The following SLFN13 variants were observed in gnomAD, a reference collection of about 807,000 sequenced individuals.
The protein encoded by SLFN13 is schlafen-13.
A neutral mutation model predicts 50.6 loss-of-function variants in SLFN13; 43 were observed. The ratio of observed to expected loss-of-function variants is 0.85; its 90% CI spans 0.67 to 1.09. The LOEUF (loss-of-function observed/expected upper bound fraction) is 1.09, where lower values mean the gene tolerates loss of function less well. Among genes scored for constraint, SLFN13 ranks in the 50% least tolerant of loss-of-function variants. The pLI is 0.00. For synonymous variants in SLFN13, 339 were observed against 386.5 expected, an observed-to-expected ratio of 0.88 and a Z score of 1.44; for missense variants, 881 against 1,071.1, an observed-to-expected ratio of 0.82 and a Z score of 2.48.
At position 35,437,908 on chromosome 17, in the gene SLFN13, A is replaced by T. The variant is rs1008617502; in HGVS notation, c.*2687T>A. 1.3e-5 allele frequency: 2 copies of T among 152,150 alleles called. No individual in the cohort carries two copies. Among genetic ancestry groups the T allele is most frequent in the African/African-American group, 2.4e-5 (1 of 41,454 alleles). The allele number at this position is 152,150 out of a possible 1,614,324, so 9.4% of individuals were successfully genotyped here. A position where few individuals can be genotyped will look rare whatever the true frequency, so the allele number is the denominator to read the frequency against. On this transcript the variant is annotated 3_prime_UTR_variant, in exon 6 of 6. Coordinates refer to ENST00000285013, the MANE Select transcript of SLFN13 (RefSeq NM_144682.6). ...AGATCTTTAATGAAGCAGGTCCTATATGACTAGAGCCAAATTACAGAGATA... is the reference window on the plus strand; with the variant it reads ...AGATCTTTAATGAAGCAGGTCCTATTTGACTAGAGCCAAATTACAGAGATA...
At position 35,439,005 on chromosome 17, in the gene SLFN13, T is replaced by C. The variant is rs1912717363; in HGVS notation, c.*1590A>G. The C allele has an allele frequency of 6.8e-6, 1 of 148,038 alleles. No individual in the cohort carries two copies. The highest frequency in any genetic ancestry group is 2.1e-4 in the South Asian group (1 of 4,674). The allele number at this position is 148,038 out of a possible 1,614,324, so 9.2% of individuals were successfully genotyped here. ...GGATGGCTGAACCAACAGAAATTTA[T>C]TTCTCACAGTCTGGGGGCTGGAAGT... On this transcript the variant is annotated 3_prime_UTR_variant, in exon 6 of 6. Transcript: ENST00000285013.
chr17:35,445,943 C>G (rs1913194006), intron 2 of SLFN13: 4 of 338,794 alleles, frequency 1.2e-5, no homozygotes, highest in East Asian at 1.0e-4. Flanking sequence ...CTGAACGAAT[C>G]TGGAGACCAT....
In SLFN13 at chr17:35,442,253, G is replaced by T; in HGVS notation, c.1232C>A (p.Ser411Tyr). 6.2e-7 allele frequency: 1 copy of T among 1,606,376 alleles called. No homozygotes were observed. Residue 411 changes from serine to tyrosine, a missense_variant, in exon 5 of 6, where the codon TCC becomes TAC. This residue lies in a region of SLFN13 where 497 missense variants were observed against 518.3 expected (regional missense o/e 0.96). Coordinates refer to ENST00000285013, the MANE Select transcript of SLFN13 (RefSeq NM_144682.6). ...CTGTAAAGACAGCTCCTTCCAGAGG[G>T]ACTCTGGAGTACATTCCAAATGTCC... ...PPGHLECTPESLWKELSLQHE... is the reference protein window; with the variant it reads ...PPGHLECTPEYLWKELSLQHE...
At position 35,444,816 on chromosome 17, in the gene SLFN13, T is replaced by C. The variant is rs1218111868; in HGVS notation, c.865A>G (p.Lys289Glu). Reference sequence around the variant, plus strand: ...TTGGTGCTGTACTCTACCCGAGGTTTTGAAGAGCAAAAATGAACAATGGGC... The same window carrying C: ...TTGGTGCTGTACTCTACCCGAGGTTCTGAAGAGCAAAAATGAACAATGGGC... ...KLPIVHFCSS[K>E]PRVEYSTKIV... Residue 289 changes from lysine (K) to glutamate (E), a missense_variant, in exon 3 of 6, where the codon AAA becomes GAA. By Grantham distance (56) the Lys-to-Glu change is moderately conservative. Coordinates refer to ENST00000285013, the MANE Select transcript of SLFN13 (RefSeq NM_144682.6). 1.9e-6 allele frequency: 3 copies of C among 1,614,106 alleles called. No homozygotes were observed. The highest frequency in any genetic ancestry group is 2.2e-5 in the South Asian group (2 of 91,088).
rs1291626557 is a variant in SLFN13, at chr17:35,436,070, A to C, written c.*4525T>G. The stretch of plus-strand genomic sequence containing the variant: ...AATTTTTCATGTAGATATTTGAGTG[A>C]TAATTGAGTGACCTGCAATTTTCCT... On this transcript the variant is annotated 3_prime_UTR_variant, in exon 6 of 6. Transcript: ENST00000285013. The C allele has an allele frequency of 6.6e-6, 1 of 152,162 alleles. No homozygotes were observed. The highest frequency in any genetic ancestry group is 1.5e-5 in the Non-Finnish European group (1 of 68,044). The allele number at this position is 152,162 out of a possible 1,614,324, so 9.4% of individuals were successfully genotyped here.
chr17:35,441,403 A>G (rs1912882826), intron 5 of SLFN13, 37 bp from the exon 6 acceptor site: 3 of 1,574,026 alleles, frequency 1.9e-6, no homozygotes, highest in Non-Finnish European at 2.6e-6. Flanking sequence ...GGTTTTCTCT[A>G]AGAAAACAAG....
chr17:35,443,012 T>C (rs1218642537), intron 4 of SLFN13, among the ~76,000 whole-genome samples: 1 of 152,238 alleles, frequency 6.6e-6, no homozygotes, highest in Non-Finnish European at 1.5e-5. Flanking sequence ...GCCTAATATA[T>C]GAATTACCTT....
intron 1 of SLFN13, among the ~76,000 whole-genome samples, chr17:35,447,768 G>A (rs1206701436): frequency 6.6e-6 from 1 of 152,204 alleles, no homozygotes; most frequent in Non-Finnish European, 1.5e-5. Flanking sequence ...GTATTTTACA[G>A]ACGTTGGGAG....
intron 3 of SLFN13, 86 bp from the exon 4 acceptor site, chr17:35,444,006 A>G: frequency 7.3e-7 from 1 of 1,371,342 alleles, no homozygotes; most frequent in Non-Finnish European, 9.9e-7. Flanking sequence ...TCTAAATTTC[A>G]TCTAACATGG....
At position 35,445,130 on chromosome 17, in the gene SLFN13, G is replaced by A. The variant is rs1049382589; in HGVS notation, c.551C>T (p.Ser184Phe). 6.2e-7 allele frequency: 1 copy of A among 1,613,276 alleles called. No individual in the cohort carries two copies. Among genetic ancestry groups the A allele is most frequent in the Non-Finnish European group, 8.5e-7 (1 of 1,180,014 alleles). Residue 184 changes from serine to phenylalanine, a missense_variant, in exon 3 of 6, where the codon TCT becomes TTT. Coordinates refer to ENST00000285013, the MANE Select transcript of SLFN13 (RefSeq NM_144682.6). ...AACTTCATATGCAGGATTTGACTCA[G>A]ATATGTTCTGGTATACAGCTTTCAT... ...KIMKAVYQNI[S>F]ESNPAYEVFQ... is the part of the protein sequence containing the mutation.
At position 35,443,823 on chromosome 17, in the gene SLFN13, T is replaced by C; in HGVS notation, c.1164A>G (p.Glu388=). 1 of 1,613,336 alleles carries C rather than the reference T, an allele frequency of 6.2e-7. No homozygotes were observed. The highest frequency in any genetic ancestry group is 1.1e-5 in the South Asian group (1 of 91,032). ...CRPVYSKKGL[E]HKADLQQHLF... ...AATGTTGTTGTAGATCAGCTTTGTG[T>C]TCCAGACCTTTCTTAGAATACACTG... The change falls in exon 4 of 6, where the codon GAA becomes GAG. Residue 388 remains glutamate, a synonymous_variant. Transcript: ENST00000285013.
chr17:35,448,602 T>C (rs1206762216), intron 1 of SLFN13, 120 bp downstream of exon 1: 4 of 152,300 alleles, frequency 2.6e-5, no homozygotes, highest in Admixed American at 2.6e-4. Context: ...CGGGGGTTGC[T>C]CTCCTAGCTT....
rs1302141926 is a variant in SLFN13 at position 35,440,544 on chromosome 17, C to T, written c.*51G>A. ...GTTTCTACCATCAGCAGACTGTCAC[C>T]CATAGACATTTACACAGTATTTTGG... On this transcript the variant is annotated 3_prime_UTR_variant, in exon 6 of 6. Coordinates refer to ENST00000285013, the MANE Select transcript of SLFN13 (RefSeq NM_144682.6). The T allele has an allele frequency of 6.3e-7, 1 of 1,586,332 alleles. No homozygotes were observed. The highest frequency in any genetic ancestry group is 1.1e-5 in the South Asian group (1 of 88,440).
chr17:35,441,087 T>C lies in SLFN13; in HGVS notation c.2202A>G (p.Ala734=). The C allele has an allele frequency of 6.2e-7, 1 of 1,614,072 alleles. No homozygotes were observed. The highest frequency in any genetic ancestry group is 8.5e-7 in the Non-Finnish European group (1 of 1,179,996). ...REELTRVVRN[A]DEIAEYIQQE... The stretch of plus-strand genomic sequence containing the variant: ...GTTGTATGTACTCGGCTATTTCATC[T>C]GCATTGCGAACTACTCTGGTGAGCT... The change falls in exon 6 of 6, where the codon GCA becomes GCG. Residue 734 remains alanine (A), a synonymous_variant. Coordinates refer to ENST00000285013, the MANE Select transcript of SLFN13 (RefSeq NM_144682.6).
Position 35,444,801 on chromosome 17 carries a change from A to T in SLFN13, c.880T>A (p.Tyr294Asn). ...AACACTTCTACGATTTTGGTGCTGTACTCTACCCGAGGTTTTGAAGAGCAA... is the reference window on the plus strand; with the variant it reads ...AACACTTCTACGATTTTGGTGCTGTTCTCTACCCGAGGTTTTGAAGAGCAA... The part of the protein sequence containing the change: ...HFCSSKPRVE[Y>N]STKIVEVFCG... Residue 294 changes from tyrosine (Y) to asparagine (N), a missense_variant, in exon 3 of 6, where the codon TAC becomes AAC. Around this residue, in one of 5 missense-constraint regions of SLFN13, gnomAD observed 497 missense variants for 518.3 expected, o/e 0.96. Transcript: ENST00000285013. The T allele has an allele frequency of 6.2e-7, 1 of 1,614,190 alleles. No homozygotes were observed. Among genetic ancestry groups the T allele is most frequent in the Non-Finnish European group, 8.5e-7 (1 of 1,180,026 alleles).
chr17:35,437,323 C>G lies in SLFN13; in HGVS notation c.*3272G>C, dbSNP rs1912671119. 1 of 152,066 alleles carries G rather than the reference C, an allele frequency of 6.6e-6. No homozygotes were observed. The highest frequency in any genetic ancestry group is 2.1e-4 in the South Asian group (1 of 4,816). 9.4% of individuals were successfully genotyped at this position (152,066 alleles called of 1,614,324 possible). On this transcript the variant is annotated 3_prime_UTR_variant, in exon 6 of 6. Transcript: ENST00000285013. ...CCTCTCGCCTCGGCCTCTGGAATAGCTAGGACTGCAGGAGCACACCACCAC... is the reference window on the plus strand; with the variant it reads ...CCTCTCGCCTCGGCCTCTGGAATAGGTAGGACTGCAGGAGCACACCACCAC...
chr17:35,435,176 T>C lies in SLFN13; in HGVS notation c.*5419A>G, dbSNP rs545077370. The C allele has an allele frequency of 2.0e-5, 3 of 152,204 alleles. No individual in the cohort carries two copies. Among genetic ancestry groups the C allele is most frequent in the Admixed American group, 6.5e-5 (1 of 15,300 alleles). The allele number at this position is 152,204 out of a possible 1,614,324, so 9.4% of individuals were successfully genotyped here. Reference sequence around the variant, plus strand: ...ACATATAAGGTATAAAGAACAAAAGTATGAACATCTGTGAACCCCTTACAC... The same window carrying C: ...ACATATAAGGTATAAAGAACAAAAGCATGAACATCTGTGAACCCCTTACAC... On this transcript the variant is annotated 3_prime_UTR_variant, in exon 6 of 6. Coordinates refer to ENST00000285013, the MANE Select transcript of SLFN13 (RefSeq NM_144682.6).
At position 35,439,242 on chromosome 17, in the gene SLFN13, T is replaced by C. The variant is rs993865145; in HGVS notation, c.*1353A>G. 1 of 152,186 alleles carries C rather than the reference T, an allele frequency of 6.6e-6. No individual in the cohort carries two copies. Among genetic ancestry groups the C allele is most frequent in the African/African-American group, 2.4e-5 (1 of 41,442 alleles). 9.4% of individuals were successfully genotyped at this position (152,186 alleles called of 1,614,324 possible). Reference sequence around the variant, plus strand: ...CACTGTGACTTCGTGTAACCTTAATTACTTCCTTAGCAGCCCCAGCTCCAC... The same window carrying C: ...CACTGTGACTTCGTGTAACCTTAATCACTTCCTTAGCAGCCCCAGCTCCAC... On this transcript the variant is annotated 3_prime_UTR_variant, in exon 6 of 6. Coordinates refer to ENST00000285013, the MANE Select transcript of SLFN13 (RefSeq NM_144682.6).
chr17:35,446,038 AT>A (rs1215098847), intron 2 of SLFN13: 2 of 181,934 alleles, frequency 1.1e-5, no homozygotes, highest in Non-Finnish European at 2.3e-5. Context: ...AATCATTAGC[AT>A]TGAAACACAG....
Sources: allele counts gnomAD v4.1 joint callset (sites outside exome capture counted in the v4.1 genomes callset), GRCh38; gene constraint gnomAD v4.1.1; regional missense constraint gnomAD v4.1.1; transcripts MANE v1.5; gene names NCBI Gene and HGNC (gene_info 2026-07-23, HGNC 2026-07-21).